OR14K1: variants seen among roughly 807,000 people sequenced by gnomAD.
The protein encoded by OR14K1 is olfactory receptor family 14 subfamily K member 1.
For synonymous variants in OR14K1, 104 were observed against 70.0 expected (o/e 1.49, Z -2.42); for missense variants, 253 against 174.4 (o/e 1.45, Z -2.54).
In OR14K1 at chr1:247,739,471, T is replaced by G; in HGVS notation, c.857T>G (p.Val286Gly). 1 of 780,846 alleles carries G rather than the reference T, an allele frequency of 1.3e-6. No individual in the cohort carries two copies. Among genetic ancestry groups the G allele is most frequent in the Non-Finnish European group, 2.4e-6 (1 of 417,966 alleles). The allele number at this position is 780,846 out of a possible 1,614,324, so 48.4% of individuals were successfully genotyped here. Residue 286 changes from valine (V) to glycine (G), a missense_variant, in exon 1 of 1, where the codon GTT (valine) becomes GGT (glycine). Physicochemically the swap from Val to Gly is moderately radical, Grantham distance 109. Transcript: ENST00000283225. Reference sequence around the variant, plus strand: ...GTCGCACCTCCAACCTTGAACCCTGTTATCTACTGTCTGAAGAACAAGGAC... The same window carrying G: ...GTCGCACCTCCAACCTTGAACCCTGGTATCTACTGTCTGAAGAACAAGGAC... The part of the protein sequence containing the change: ...YSVAPPTLNP[V>G]IYCLKNKDIK...
rs533761908 is a variant in OR14K1, at chr1:247,739,156, C to A, written c.542C>A (p.Ala181Asp). 1 of 780,860 alleles carries A rather than the reference C, an allele frequency of 1.3e-6. No individual in the cohort carries two copies. The highest frequency in any genetic ancestry group is 2.4e-6 in the Non-Finnish European group (1 of 417,976). 48.4% of individuals were successfully genotyped at this position (780,860 alleles called of 1,614,324 possible). ...CATCAGTTCTTCTGCGATGTCCCTG[C>A]CCTACTAAAGCTCACTTGTTCTAAA... ...ELHQFFCDVP[A>D]LLKLTCSKEH... The change falls in exon 1 of 1, where the codon GCC (alanine) becomes GAC (aspartate). Residue 181 changes from alanine (A) to aspartate (D), a missense_variant. Transcript: ENST00000283225.
chr1:247,738,977 T>A, the OR14K1 span: 1 of 780,660 alleles, frequency 1.3e-6, no homozygotes, highest in Admixed American at 1.7e-5. Flanking sequence ...ATGACCGCTA[T>A]GCTGCCATCT....
chr1:247,739,551 A>G lies in OR14K1; in HGVS notation c.937A>G (p.Lys313Glu), dbSNP rs1298286459. 3.9e-6 allele frequency: 3 copies of G among 772,970 alleles called. No individual in the cohort carries two copies. Among genetic ancestry groups the G allele is most frequent in the Non-Finnish European group, 7.2e-6 (3 of 414,840 alleles). The allele number at this position is 772,970 out of a possible 1,614,324, so 47.9% of individuals were successfully genotyped here. ...GAATGTTAGAAGCAGTGGGGTAATGAAAAGATGACTAAAGTTGAAGATGGG... is the reference window on the plus strand; with the variant it reads ...GAATGTTAGAAGCAGTGGGGTAATGGAAAGATGACTAAAGTTGAAGATGGG... ...LWNVRSSGVM[K>E]R Residue 313 changes from lysine to glutamate, a missense_variant, in exon 1 of 1, where the codon AAA (lysine) becomes GAA (glutamate). Transcript: ENST00000283225.
rs201271082 is a variant in OR14K1 at position 247,738,723 on chromosome 1, G to A, written c.109G>A (p.Val37Met). The A allele has an allele frequency of 1.2e-4, 95 of 780,818 alleles. 1 individual carries two copies. The Middle Eastern group carries it at 3.2e-3, about 26-fold the overall frequency. The allele number at this position is 780,818 out of a possible 1,614,324, so 48.4% of individuals were successfully genotyped here. A position where few individuals can be genotyped will look rare whatever the true frequency, so the allele number is the denominator to read the frequency against. The stretch of plus-strand genomic sequence containing the variant: ...CTTCTCACTGATCTACCTCACGGCT[G>A]TGCTGATGAATTTAGTCATCATTCT... ...LLFSLIYLTA[V>M]LMNLVIILLM... Residue 37 changes from valine (V) to methionine (M), a missense_variant, in exon 1 of 1, where the codon GTG (valine) becomes ATG (methionine). Coordinates refer to ENST00000283225, the MANE Select transcript of OR14K1 (RefSeq NM_001004732.2).
chr1:247,738,819 C>A lies in OR14K1; in HGVS notation c.205C>A (p.Leu69Met). Reference protein sequence around the residue: ...FFLRHLSFLDLCLISATVPKS... With the variant: ...FFLRHLSFLDMCLISATVPKS... Reference sequence around the variant, plus strand: ...CCTCCGACATTTGTCCTTCTTAGACCTGTGTCTCATTTCTGCCACAGTCCC... The same window carrying A: ...CCTCCGACATTTGTCCTTCTTAGACATGTGTCTCATTTCTGCCACAGTCCC... The change falls in exon 1 of 1, where the codon CTG becomes ATG. Residue 69 changes from leucine to methionine, a missense_variant. Coordinates refer to ENST00000283225, the MANE Select transcript of OR14K1 (RefSeq NM_001004732.2). 1 of 780,792 alleles carries A rather than the reference C, an allele frequency of 1.3e-6. No individual in the cohort carries two copies. The highest frequency in any genetic ancestry group is 2.4e-6 in the Non-Finnish European group (1 of 417,964). 48.4% of individuals were successfully genotyped at this position (780,792 alleles called of 1,614,324 possible).
Position 247,738,848 on chromosome 1 carries a change from A to G in OR14K1, c.234A>G (p.Lys78=). Residue 78 remains lysine (K), a synonymous_variant, in exon 1 of 1, where the codon AAA becomes AAG. Transcript: ENST00000283225. ...DLCLISATVP[K]SILNSVASTD... Reference sequence around the variant, plus strand: ...GTCTCATTTCTGCCACAGTCCCCAAATCCATCCTCAACTCTGTCGCCTCCA... The same window carrying G: ...GTCTCATTTCTGCCACAGTCCCCAAGTCCATCCTCAACTCTGTCGCCTCCA... The G allele has an allele frequency of 1.3e-6, 1 of 779,664 alleles. No individual in the cohort carries two copies. Among genetic ancestry groups the G allele is most frequent in the Non-Finnish European group, 2.4e-6 (1 of 417,750 alleles). 48.3% of individuals were successfully genotyped at this position (779,664 alleles called of 1,614,324 possible). A position where few individuals can be genotyped will look rare whatever the true frequency, so the allele number is the denominator to read the frequency against.
Position 247,739,474 on chromosome 1 carries a change from T to C in OR14K1, c.860T>C (p.Ile287Thr), listed in dbSNP as rs1198465846. ...GCACCTCCAACCTTGAACCCTGTTATCTACTGTCTGAAGAACAAGGACATT... is the reference window on the plus strand; with the variant it reads ...GCACCTCCAACCTTGAACCCTGTTACCTACTGTCTGAAGAACAAGGACATT... ...SVAPPTLNPV[I>T]YCLKNKDIKS... The change falls in exon 1 of 1, where the codon ATC becomes ACC. Residue 287 changes from isoleucine to threonine, a missense_variant. Transcript: ENST00000283225. The C allele has an allele frequency of 1.3e-6, 1 of 780,862 alleles. No individual in the cohort carries two copies. Among genetic ancestry groups the C allele is most frequent in the Admixed American group, 1.7e-5 (1 of 59,016 alleles). The allele number at this position is 780,862 out of a possible 1,614,324, so 48.4% of individuals were successfully genotyped here.
At position 247,738,768 on chromosome 1, in the gene OR14K1, C is replaced by T. The variant is rs151028061; in HGVS notation, c.154C>T (p.Arg52Cys). 7.1e-3 allele frequency: 5,583 copies of T among 780,840 alleles called. 39 individuals are homozygous for T. The highest frequency in any genetic ancestry group is 0.02 in the Middle Eastern group (89 of 4,442). The allele number at this position is 780,840 out of a possible 1,614,324, so 48.4% of individuals were successfully genotyped here. A position where few individuals can be genotyped will look rare whatever the true frequency, so the allele number is the denominator to read the frequency against. The change falls in exon 1 of 1, where the codon CGT becomes TGT. Residue 52 changes from arginine (R) to cysteine (C), a missense_variant. Arg to Cys is a radical substitution (Grantham distance 180). Transcript: ENST00000283225. ...VIILLMILDHRLHMAMYFFLR... is the reference protein window; with the variant it reads ...VIILLMILDHCLHMAMYFFLR... ...CATTCTCCTCATGATTCTGGACCAT[C>T]GTCTCCACATGGCAATGTACTTTTT...
In OR14K1 at chr1:247,738,718, C is replaced by T. The variant is rs544886174; in HGVS notation, c.104C>T (p.Thr35Met). ...HALLFSLIYL[T>M]AVLMNLVIIL... ...TTGCTCTTCTCACTGATCTACCTCA[C>T]GGCTGTGCTGATGAATTTAGTCATC... The change falls in exon 1 of 1, where the codon ACG (threonine) becomes ATG (methionine). Residue 35 changes from threonine (T) to methionine (M), a missense_variant. Coordinates refer to ENST00000283225, the MANE Select transcript of OR14K1 (RefSeq NM_001004732.2). The T allele has an allele frequency of 6.1e-5, 48 of 780,820 alleles. 2 individuals carry two copies. The highest frequency in any genetic ancestry group is 3.9e-4 in the South Asian group (29 of 74,608). 48.4% of individuals were successfully genotyped at this position (780,820 alleles called of 1,614,324 possible).
rs61731395 is a variant in OR14K1, at chr1:247,739,106, G to T, written c.492G>T (p.Leu164=). Residue 164 remains leucine (L), a synonymous_variant, in exon 1 of 1, where the codon CTG becomes CTT. Coordinates refer to ENST00000283225, the MANE Select transcript of OR14K1 (RefSeq NM_001004732.2). ...GLLYTAGTFS[L]NFYGSDELHQ... is the part of the protein sequence containing the mutation. ...TGTACACAGCTGGAACATTCTCTCT[G>T]AATTTTTATGGCTCTGATGAGCTAC... 3.0e-3 allele frequency: 2,321 copies of T among 780,754 alleles called. 22 individuals are homozygous for T. Among genetic ancestry groups the T allele is most frequent in the African/African-American group, 0.028 (1,650 of 59,170 alleles). The allele number at this position is 780,754 out of a possible 1,614,324, so 48.4% of individuals were successfully genotyped here. A position where few individuals can be genotyped will look rare whatever the true frequency, so the allele number is the denominator to read the frequency against.
At position 247,739,259 on chromosome 1, in the gene OR14K1, C is replaced by G. The variant is rs750241734; in HGVS notation, c.645C>G (p.Ser215=). Residue 215 remains serine, a synonymous_variant, in exon 1 of 1, where the codon TCC becomes TCG. Coordinates refer to ENST00000283225, the MANE Select transcript of OR14K1 (RefSeq NM_001004732.2). Reference sequence around the variant, plus strand: ...CATGTTTAGTTTGCATTGTAGTTTCCTATGTGTACATTTTCTCTGCTGTGT... The same window carrying G: ...CATGTTTAGTTTGCATTGTAGTTTCGTATGTGTACATTTTCTCTGCTGTGT... ...AFSCLVCIVV[S]YVYIFSAVLR... The G allele has an allele frequency of 1.3e-6, 1 of 780,778 alleles. No homozygotes were observed. Among genetic ancestry groups the G allele is most frequent in the East Asian group, 2.4e-5 (1 of 41,254 alleles). The allele number at this position is 780,778 out of a possible 1,614,324, so 48.4% of individuals were successfully genotyped here.
At position 247,739,490 on chromosome 1, in the gene OR14K1, C is replaced by T. The variant is rs1243360929; in HGVS notation, c.876C>T (p.Asn292=). The T allele has an allele frequency of 6.4e-6, 5 of 780,814 alleles. No individual in the cohort carries two copies. Among genetic ancestry groups the T allele is most frequent in the Admixed American group, 3.4e-5 (2 of 59,014 alleles). 48.4% of individuals were successfully genotyped at this position (780,814 alleles called of 1,614,324 possible). The part of the protein sequence containing the change: ...TLNPVIYCLK[N]KDIKSALSKV... ...ACCCTGTTATCTACTGTCTGAAGAA[C>T]AAGGACATTAAATCCGCTCTGAGTA... is the stretch of plus-strand genomic sequence containing the variant. The change falls in exon 1 of 1, where the codon AAC becomes AAT. Residue 292 remains asparagine (N), a synonymous_variant. Coordinates refer to ENST00000283225, the MANE Select transcript of OR14K1 (RefSeq NM_001004732.2).
In OR14K1 at chr1:247,739,412, T is replaced by C. The variant is rs1196893347; in HGVS notation, c.798T>C (p.Ser266=). The C allele has an allele frequency of 1.3e-6, 1 of 780,846 alleles. No individual in the cohort carries two copies. The highest frequency in any genetic ancestry group is 1.3e-5 in the South Asian group (1 of 74,624). 48.4% of individuals were successfully genotyped at this position (780,846 alleles called of 1,614,324 possible). The part of the protein sequence containing the change: ...AYLKPGSDAP[S]ILDLLVSVFY... ...TAAAGCCAGGGTCTGATGCACCTTC[T>C]ATTCTAGACTTGCTGGTGTCTGTGT... is the stretch of plus-strand genomic sequence containing the variant. The change falls in exon 1 of 1, where the codon TCT becomes TCC. Residue 266 remains serine, a synonymous_variant. Coordinates refer to ENST00000283225, the MANE Select transcript of OR14K1 (RefSeq NM_001004732.2).
Position 247,738,705 on chromosome 1 carries a change from C to G in OR14K1, c.91C>G (p.Leu31Val). The change falls in exon 1 of 1, where the codon CTG becomes GTG. Residue 31 changes from leucine to valine, a missense_variant. Leu to Val is a conservative substitution (Grantham distance 32, BLOSUM62 1). Transcript: ENST00000283225. ...LLRLHALLFSLIYLTAVLMNL... is the reference protein window; with the variant it reads ...LLRLHALLFSVIYLTAVLMNL... ...GAGGCTGCATGCTTTGCTCTTCTCA[C>G]TGATCTACCTCACGGCTGTGCTGAT... 1 of 780,828 alleles carries G rather than the reference C, an allele frequency of 1.3e-6. No homozygotes were observed. The highest frequency in any genetic ancestry group is 2.4e-5 in the East Asian group (1 of 41,260). The allele number at this position is 780,828 out of a possible 1,614,324, so 48.4% of individuals were successfully genotyped here.
Position 247,739,123 on chromosome 1 carries a change from A to T in OR14K1, c.509A>T (p.Asp170Val). Residue 170 changes from aspartate (D) to valine (V), a missense_variant, in exon 1 of 1, where the codon GAT (aspartate) becomes GTT (valine). By Grantham distance (152) the Asp-to-Val change is radical (BLOSUM62 -3). Transcript: ENST00000283225. Reference protein sequence around the residue: ...GTFSLNFYGSDELHQFFCDVP... With the variant: ...GTFSLNFYGSVELHQFFCDVP... ...TTCTCTCTGAATTTTTATGGCTCTG[A>T]TGAGCTACATCAGTTCTTCTGCGAT... 2 of 780,796 alleles carry T rather than the reference A, an allele frequency of 2.6e-6. No homozygotes were observed. The highest frequency in any genetic ancestry group is 4.8e-6 in the Non-Finnish European group (2 of 417,944). 48.4% of individuals were successfully genotyped at this position (780,796 alleles called of 1,614,324 possible).
At position 247,739,071 on chromosome 1, in the gene OR14K1, T is replaced by A. The variant is rs532891324; in HGVS notation, c.457T>A (p.Leu153Met). 1 of 780,706 alleles carries A rather than the reference T, an allele frequency of 1.3e-6. No homozygotes were observed. Among genetic ancestry groups the A allele is most frequent in the African/African-American group, 1.7e-5 (1 of 59,110 alleles). The allele number at this position is 780,706 out of a possible 1,614,324, so 48.4% of individuals were successfully genotyped here. A position where few individuals can be genotyped will look rare whatever the true frequency, so the allele number is the denominator to read the frequency against. ...TCTGTCCTGGCTCAACAGAGGGGCC[T>A]TGGGACTCTTGTACACAGCTGGAAC... is the stretch of plus-strand genomic sequence containing the variant. ...MALSWLNRGA[L>M]GLLYTAGTFS... The change falls in exon 1 of 1, where the codon TTG (leucine) becomes ATG (methionine). Residue 153 changes from leucine to methionine, a missense_variant. Transcript: ENST00000283225.
rs756876496 is a variant in OR14K1 at position 247,739,506 on chromosome 1, G to A, written c.892G>A (p.Ala298Thr). The A allele has an allele frequency of 1.3e-5, 10 of 780,642 alleles. No individual in the cohort carries two copies. Among genetic ancestry groups the A allele is most frequent in the East Asian group, 9.7e-5 (4 of 41,248 alleles). 48.4% of individuals were successfully genotyped at this position (780,642 alleles called of 1,614,324 possible). A position where few individuals can be genotyped will look rare whatever the true frequency, so the allele number is the denominator to read the frequency against. Residue 298 changes from alanine to threonine, a missense_variant, in exon 1 of 1, where the codon GCT (alanine) becomes ACT (threonine). Transcript: ENST00000283225. ...TCTGAAGAACAAGGACATTAAATCC[G>A]CTCTGAGTAAAGTCCTGTGGAATGT... ...YCLKNKDIKS[A>T]LSKVLWNVRS...
the OR14K1 span, chr1:247,739,433 TG>T: frequency 6.4e-6 from 5 of 780,722 alleles, no homozygotes; most frequent in Non-Finnish European, 1.2e-5. Context: ...TGCTGGTGTC[TG>T]TGTTCTATTC....
rs1558311604 is a variant in OR14K1 at position 247,739,236 on chromosome 1, T to C, written c.622T>C (p.Cys208Arg). 1.3e-6 allele frequency: 1 copy of C among 780,920 alleles called. No individual in the cohort carries two copies. Among genetic ancestry groups the C allele is most frequent in the Non-Finnish European group, 2.4e-6 (1 of 417,996 alleles). The allele number at this position is 780,920 out of a possible 1,614,324, so 48.4% of individuals were successfully genotyped here. A position where few individuals can be genotyped will look rare whatever the true frequency, so the allele number is the denominator to read the frequency against. Residue 208 changes from cysteine to arginine, a missense_variant, in exon 1 of 1, where the codon TGT becomes CGT. Coordinates refer to ENST00000283225, the MANE Select transcript of OR14K1 (RefSeq NM_001004732.2). Reference protein sequence around the residue: ...VAIGVCYAFSCLVCIVVSYVY... With the variant: ...VAIGVCYAFSRLVCIVVSYVY... ...CATTGGGGTCTGTTATGCATTTTCA[T>C]GTTTAGTTTGCATTGTAGTTTCCTA...
Sources: allele counts gnomAD v4.1 joint callset, GRCh38; gene constraint gnomAD v4.1.1; transcripts MANE v1.5; gene names NCBI Gene and HGNC (gene_info 2026-07-23, HGNC 2026-07-21).